Variants in HIBADH observed in about 807,000 individuals in gnomAD.
The protein encoded by HIBADH is 3-hydroxyisobutyrate dehydrogenase, mitochondrial.
Under a neutral mutation model 36.1 loss-of-function variants are expected in HIBADH, and 25 were observed. That is an observed-to-expected ratio of 0.69 (90% CI 0.50 to 0.97). HIBADH has a LOEUF of 0.97. Among genes scored for constraint, HIBADH ranks in the 50% least tolerant of loss-of-function variants. HIBADH has a pLI of 0.00. For synonymous variants in HIBADH, 160 were observed against 149.5 expected (o/e 1.07, Z -0.51); for missense variants, 421 against 418.0 (o/e 1.01, Z -0.06).
chr7:27,645,368 A>ATGTTTTTTTTTT (rs1554300959), intron 2 of HIBADH, among the ~76,000 whole-genome samples: 2,363 of 59,590 alleles, frequency 0.04, 701 homozygotes, highest in Non-Finnish European at 0.049. Flanking sequence ...CATGGTTTTG[A>ATGTTTTTTTTTT]TTTTTTTTTT....
At chr7:27,651,262 C>A (rs765543872) in intron 1 of HIBADH, among the ~76,000 whole-genome samples, 6 of 152,140 alleles carry the variant, frequency 3.9e-5, no homozygotes, top group Non-Finnish European at 7.4e-5. Flanking sequence ...TATTTAATTC[C>A]TTTAACTTAA....
chr7:27,538,797 G>A (rs1329439065), intron 5 of HIBADH, among the ~76,000 whole-genome samples: 1 of 152,126 alleles, frequency 6.6e-6, no homozygotes, highest in East Asian at 1.9e-4. Flanking sequence ...TAAGGTAGAG[G>A]CTATAAGAGA....
chr7:27,598,605 C>T (rs1785070243), intron 4 of HIBADH, among the ~76,000 whole-genome samples: 1 of 152,056 alleles, frequency 6.6e-6, no homozygotes, highest in Non-Finnish European at 1.5e-5. Flanking sequence ...TAAACTTCCA[C>T]CAAGCAGTTT....
chr7:27,556,926 G>T (rs1055043270), intron 4 of HIBADH, among the ~76,000 whole-genome samples: 2 of 152,174 alleles, frequency 1.3e-5, no homozygotes, highest in African/African-American at 4.8e-5. Flanking sequence ...AGAGGATAGA[G>T]CCTGAGCCCA....
Position 27,662,827 on chromosome 7 carries a change from C to T in HIBADH, c.-39G>A. ...CTCTCCCCGCGGTGACCTCCGCCGC[C>T]TCCCGGAGGGCCCACAGACTGCGAG... On this transcript the variant is annotated 5_prime_UTR_variant, in exon 1 of 8. Transcript: ENST00000265395. 7.1e-7 allele frequency: 1 copy of T among 1,416,880 alleles called. No individual in the cohort carries two copies. The highest frequency in any genetic ancestry group is 3.0e-5 in the East Asian group (1 of 32,894). The allele number at this position is 1,416,880 out of a possible 1,614,324, so 87.8% of individuals were successfully genotyped here.
At chr7:27,538,564 G>A in intron 5 of HIBADH, 147 bp from the exon 6 acceptor site, 5 of 683,038 alleles carry the variant, frequency 7.3e-6, no homozygotes, top group Non-Finnish European at 1.3e-5. Context: ...AGAACCTGAT[G>A]CAGCATGGCT....
At chr7:27,574,999 A>ACTTAT (rs1164631795) in intron 4 of HIBADH, among the ~76,000 whole-genome samples, 3 of 152,208 alleles carry the variant, frequency 2.0e-5, no homozygotes, top group Non-Finnish European at 4.4e-5. Flanking sequence ...ACAGAGCTCA[A>ACTTAT]CTTATTGGAC....
chr7:27,612,315 C>T (rs938557081), intron 4 of HIBADH, among the ~76,000 whole-genome samples: 22 of 150,016 alleles, frequency 1.5e-4, no homozygotes, highest in African/African-American at 4.7e-4. Context: ...TTCTCTTTTT[C>T]TTTTCCTTTT....
intron 4 of HIBADH, among the ~76,000 whole-genome samples, chr7:27,594,915 T>C (rs1306688696): frequency 6.6e-6 from 1 of 152,174 alleles, no homozygotes; most frequent in Non-Finnish European, 1.5e-5. Flanking sequence ...ATTTCTACGC[T>C]CACCCCTTCA....
intron 2 of HIBADH, among the ~76,000 whole-genome samples, chr7:27,642,813 G>A (rs571981765): frequency 7.8e-4 from 119 of 152,006 alleles, no homozygotes; most frequent in African/African-American, 2.4e-3. Context: ...CATTACGCCC[G>A]GCTAATTTTT....
At chr7:27,615,654 G>C (rs1785412246) in intron 4 of HIBADH, among the ~76,000 whole-genome samples, 1 of 152,116 alleles carries the variant, frequency 6.6e-6, no homozygotes, top group Non-Finnish European at 1.5e-5. Flanking sequence ...CTACTGCACT[G>C]CTAGTCAAAT....
intron 1 of HIBADH, among the ~76,000 whole-genome samples, chr7:27,658,284 C>A (rs1406813172): frequency 6.6e-6 from 1 of 152,134 alleles, no homozygotes; most frequent in African/African-American, 2.4e-5. Flanking sequence ...AGAGTTAAAA[C>A]ATAAATAAAA....
At chr7:27,639,237 A>G (rs1361571798) in intron 2 of HIBADH, among the ~76,000 whole-genome samples, 1 of 152,198 alleles carries the variant, frequency 6.6e-6, no homozygotes, top group Non-Finnish European at 1.5e-5. Flanking sequence ...GTACATATAC[A>G]CCATGAAATA....
At chr7:27,585,579 C>T (rs369770813) in intron 4 of HIBADH, among the ~76,000 whole-genome samples, 4 of 152,138 alleles carry the variant, frequency 2.6e-5, no homozygotes, top group African/African-American at 4.8e-5. Flanking sequence ...ATTATTTACC[C>T]TGTCTAATTC....
At chr7:27,559,820 C>T (rs927118294) in intron 4 of HIBADH, among the ~76,000 whole-genome samples, 2 of 152,278 alleles carry the variant, frequency 1.3e-5, no homozygotes, top group Admixed American at 6.5e-5. Context: ...TTCTATTAAA[C>T]TAAGCATCAC....
At chr7:27,634,409 A>T (rs915183196) in intron 2 of HIBADH, among the ~76,000 whole-genome samples, 1 of 152,140 alleles carries the variant, frequency 6.6e-6, no homozygotes, top group South Asian at 2.1e-4. Flanking sequence ...CTTCATAAAT[A>T]TTGAGACTCT....
chr7:27,554,930 G>A (rs1784369415), intron 4 of HIBADH, among the ~76,000 whole-genome samples: 1 of 152,174 alleles, frequency 6.6e-6, no homozygotes, highest in South Asian at 2.1e-4. Context: ...GGTCCACTCT[G>A]CCATTCTTGG....
At chr7:27,626,406 A>C (rs1258346959) in intron 4 of HIBADH, among the ~76,000 whole-genome samples, 1 of 152,214 alleles carries the variant, frequency 6.6e-6, no homozygotes, top group Admixed American at 6.5e-5. Context: ...ATAACAGTTT[A>C]AGCATTACTT....
At chr7:27,554,120 G>C (rs1330570129) in intron 4 of HIBADH, among the ~76,000 whole-genome samples, 2 of 152,164 alleles carry the variant, frequency 1.3e-5, no homozygotes, top group Non-Finnish European at 2.9e-5. Flanking sequence ...TGAGTAGCTG[G>C]GATTACAGGC....
Sources: allele counts gnomAD v4.1 joint callset (sites outside exome capture counted in the v4.1 genomes callset), GRCh38; gene constraint gnomAD v4.1.1; transcripts MANE v1.5; gene names NCBI Gene and HGNC (gene_info 2026-07-23, HGNC 2026-07-21).